Variants in GRM7 observed in about 807,000 individuals in gnomAD.
GRM7 encodes metabotropic glutamate receptor 7.
A neutral mutation model predicts 84.5 loss-of-function variants in GRM7; 35 were observed. That is an observed-to-expected ratio of 0.41 (90% CI 0.32 to 0.55). The LOEUF (loss-of-function observed/expected upper bound fraction) is 0.55. Among genes scored for constraint, GRM7 ranks in the 20% least tolerant of loss-of-function variants. The pLI, the probability that GRM7 is intolerant of heterozygous loss-of-function variation, is 0.19. For missense variants in GRM7, 1,003 were observed against 1,194.6 expected, an observed-to-expected ratio of 0.84 and a Z score of 2.36; for synonymous variants, 487 against 455.1, an observed-to-expected ratio of 1.07 and a Z score of -0.89.
At chr3:7,240,346 T>G (rs1008202059) in intron 2 of GRM7, among the ~76,000 whole-genome samples, 4 of 150,350 alleles carry the variant, frequency 2.7e-5, no homozygotes, top group African/African-American at 9.8e-5. Context: ...CTGGAATTGT[T>G]TTTTTTTTAA....
At chr3:7,446,772 T>TA (rs1417378993) in intron 5 of GRM7, among the ~76,000 whole-genome samples, 1 of 152,202 alleles carries the variant, frequency 6.6e-6, no homozygotes. Context: ...GATTTTTTTT[T>TA]ATATTAACAA....
chr3:7,475,251 T>G (rs903206632), intron 7 of GRM7, among the ~76,000 whole-genome samples: 8 of 152,152 alleles, frequency 5.3e-5, no homozygotes, highest in Non-Finnish European at 1.2e-4. Flanking sequence ...AATGACTGAA[T>G]AGGAAACCAG....
intron 7 of GRM7, among the ~76,000 whole-genome samples, chr3:7,495,410 AG>A (rs1699665504): frequency 6.6e-6 from 1 of 152,096 alleles, no homozygotes; most frequent in South Asian, 2.1e-4. Flanking sequence ...TCAGGGACAA[AG>A]GGGCCAGGCT....
intron 1 of GRM7, among the ~76,000 whole-genome samples, chr3:7,024,741 T>C (rs1049812832): frequency 1.3e-5 from 2 of 152,210 alleles, no homozygotes; most frequent in African/African-American, 2.4e-5. Flanking sequence ...CCCGTAACTC[T>C]AAACAAGGGC....
At chr3:6,899,158 T>C (rs575705618) in intron 1 of GRM7, among the ~76,000 whole-genome samples, 3 of 152,200 alleles carry the variant, frequency 2.0e-5, no homozygotes, top group Non-Finnish European at 4.4e-5. Flanking sequence ...ATAATAGCTA[T>C]CATCCATTGA....
At chr3:7,206,306 C>T (rs746174515) in intron 2 of GRM7, among the ~76,000 whole-genome samples, 8 of 152,152 alleles carry the variant, frequency 5.3e-5, no homozygotes, top group African/African-American at 1.4e-4. Context: ...GGAGCTATTA[C>T]GACTAACTAA....
chr3:7,610,619 C>T (rs953781461), intron 8 of GRM7, among the ~76,000 whole-genome samples: 2 of 152,106 alleles, frequency 1.3e-5, no homozygotes, highest in African/African-American at 4.8e-5. Flanking sequence ...GGAAAAACAT[C>T]AGCTATTGCA....
chr3:7,588,594 T>C (rs528923655), intron 8 of GRM7, among the ~76,000 whole-genome samples: 1 of 152,260 alleles, frequency 6.6e-6, no homozygotes, highest in South Asian at 2.1e-4. Context: ...TTGGGGAAGA[T>C]AACGGGTCAC....
chr3:7,456,435 T>C lies in GRM7; in HGVS notation c.1375+3628T>C, dbSNP rs144257775. On this transcript the variant is annotated intron_variant, in intron 6 of 9. Transcript: ENST00000357716. Reference sequence around the variant, plus strand: ...TTTAAAACCTCATAATGGTTTAGGATGCTATTTTTTTTTCCTTTTTTTTTT... The same window carrying C: ...TTTAAAACCTCATAATGGTTTAGGACGCTATTTTTTTTTCCTTTTTTTTTT... Among the ~76,000 whole-genome samples the C allele has an allele frequency of 4.1e-3, 535 of 129,528 alleles. 4 individuals are homozygous for C. Among genetic ancestry groups the C allele is most frequent in the East Asian group, 0.012 (53 of 4,330 alleles). The allele number at this position is 129,528 out of a possible 152,430, so 85.0% of individuals were successfully genotyped here. A position where few individuals can be genotyped will look rare whatever the true frequency, so the allele number is the denominator to read the frequency against.
intron 1 of GRM7, among the ~76,000 whole-genome samples, chr3:6,880,870 T>C (rs1695482603): frequency 6.6e-6 from 1 of 152,218 alleles, no homozygotes; most frequent in African/African-American, 2.4e-5. Context: ...ACTTGAAAGG[T>C]AAGCAATGTG....
intron 2 of GRM7, among the ~76,000 whole-genome samples, chr3:7,280,788 C>G (rs896735943): frequency 6.6e-6 from 1 of 152,154 alleles, no homozygotes; most frequent in African/African-American, 2.4e-5. Flanking sequence ...AGTTAATCCT[C>G]AAAGTGCTTA....
chr3:6,999,680 C>G (rs1280292358), intron 1 of GRM7, among the ~76,000 whole-genome samples: 2 of 152,194 alleles, frequency 1.3e-5, no homozygotes, highest in African/African-American at 4.8e-5. Context: ...AGGAAGCAAA[C>G]ACAACCTTCT....
chr3:7,120,015 C>T (rs748468468), intron 1 of GRM7, among the ~76,000 whole-genome samples: 49 of 151,842 alleles, frequency 3.2e-4, no homozygotes, highest in Non-Finnish European at 5.0e-4. Context: ...TTTTTCTTTC[C>T]TCACAGTCCT....
chr3:7,460,390 A>ATT (rs3840245), intron 6 of GRM7, among the ~76,000 whole-genome samples: 138 of 149,896 alleles, frequency 9.2e-4, no homozygotes, highest in African/African-American at 1.3e-3. Context: ...ACTATAAACA[A>ATT]TTTTTTTTTT....
At chr3:6,962,578 A>G (rs929641780) in intron 1 of GRM7, among the ~76,000 whole-genome samples, 1 of 152,218 alleles carries the variant, frequency 6.6e-6, no homozygotes, top group Non-Finnish European at 1.5e-5. Flanking sequence ...ATGAATAATG[A>G]TGACATATAC....
chr3:7,705,691 C>T (rs1277458035), intron 9 of GRM7, among the ~76,000 whole-genome samples: 4 of 152,022 alleles, frequency 2.6e-5, no homozygotes, highest in Non-Finnish European at 4.4e-5. Flanking sequence ...TGTAAAAGAT[C>T]GAAGAAAGGC....
chr3:6,954,503 T>A (rs190814149), intron 1 of GRM7, among the ~76,000 whole-genome samples: 19 of 152,304 alleles, frequency 1.2e-4, no homozygotes, highest in African/African-American at 4.3e-4. Context: ...TGAACACCTG[T>A]AACTGAATCC....
chr3:7,267,897 G>C (rs12494134), intron 2 of GRM7, among the ~76,000 whole-genome samples: 1 of 151,506 alleles, frequency 6.6e-6, no homozygotes. Flanking sequence ...CAAATTCTAT[G>C]TTTTTTTTCA....
chr3:7,299,787 A>T (rs1192919771), intron 3 of GRM7, among the ~76,000 whole-genome samples: 1 of 152,122 alleles, frequency 6.6e-6, no homozygotes, highest in African/African-American at 2.4e-5. Context: ...TTACATAGGT[A>T]CTGTAATTTA....
Sources: allele counts gnomAD v4.1 joint callset (sites outside exome capture counted in the v4.1 genomes callset), GRCh38; gene constraint gnomAD v4.1.1; transcripts MANE v1.5; gene names NCBI Gene and HGNC (gene_info 2026-07-23, HGNC 2026-07-21).